Variants in FRAS1 observed in about 807,000 individuals in gnomAD.
The protein encoded by FRAS1 is extracellular matrix organizing protein FRAS1.
In FRAS1, 290 loss-of-function variants were observed where a neutral mutation model predicts 435.2. That is an observed-to-expected ratio of 0.67 (90% confidence interval 0.61 to 0.73). The LOEUF (loss-of-function observed/expected upper bound fraction) is 0.73, where lower values mean the gene tolerates loss of function less well. Among genes scored for constraint, FRAS1 ranks in the 30% least tolerant of loss-of-function variants. FRAS1 has a pLI of 0.00. For missense variants in FRAS1, 4,860 were observed against 5,001.5 expected (o/e 0.97, Z 0.85); for synonymous variants, 1,800 against 1,851.0 (o/e 0.97, Z 0.71).
At chr4:78,486,830 ATTT>A (rs67268640) in intron 58 of FRAS1, among the ~76,000 whole-genome samples, 12,489 of 123,494 alleles carry the variant, frequency 0.1, 562 homozygotes, top group Non-Finnish European at 0.13. Flanking sequence ...CTCTCTCTCT[ATTT>A]TTTTTTTTTT....
Position 78,058,036 on chromosome 4 carries a change from G to C in FRAS1, c.27G>C (p.Gly9=). The C allele has an allele frequency of 6.2e-7, 1 of 1,613,978 alleles. No individual in the cohort carries two copies. The highest frequency in any genetic ancestry group is 8.5e-7 in the Non-Finnish European group (1 of 1,179,882). MGVLKVWL[G]LALALAEFAV... is the part of the protein sequence containing the mutation. ...TGGGTGTCCTCAAAGTGTGGCTCGG[G>C]CTGGCCCTAGCGTTGGCGGAATTTG... Residue 9 remains glycine, a synonymous_variant, in exon 1 of 74, where the codon GGG becomes GGC. Transcript: ENST00000512123.
intron 66 of FRAS1, 48 bp downstream of exon 66, chr4:78,516,061 G>T (rs777076424): frequency 2.5e-5 from 36 of 1,450,802 alleles, no homozygotes; most frequent in Non-Finnish European, 3.4e-5. Flanking sequence ...GGGTGCCATG[G>T]TCAACCTTGT....
chr4:78,238,289 TTC>T (rs1724847332), intron 3 of FRAS1, among the ~76,000 whole-genome samples: 1 of 141,436 alleles, frequency 7.1e-6, no homozygotes, highest in Non-Finnish European at 1.6e-5. Context: ...TACACATCTA[TTC>T]TGTTAGAATA....
intron 2 of FRAS1, among the ~76,000 whole-genome samples, chr4:78,163,236 T>C (rs986361967): frequency 3.9e-5 from 6 of 152,220 alleles, no homozygotes; most frequent in Non-Finnish European, 7.3e-5. Context: ...CCATTTTTAT[T>C]CACCTTTTTA....
intron 20 of FRAS1, among the ~76,000 whole-genome samples, chr4:78,339,861 C>T (rs644235): frequency 0.074 from 11,314 of 152,156 alleles, 845 homozygotes; most frequent in African/African-American, 0.2. Context: ...GGCAAGAAAT[C>T]TGCAACTTGT....
At chr4:78,120,496 A>G (rs72654652) in intron 2 of FRAS1, among the ~76,000 whole-genome samples, 42,354 of 151,802 alleles carry the variant, frequency 0.28, 6,180 homozygotes, top group African/African-American at 0.35. Flanking sequence ...ACAGTCCAGG[A>G]ATAAGAAGTT....
At chr4:78,088,582 G>GA (rs1486999625) in intron 2 of FRAS1, among the ~76,000 whole-genome samples, 1 of 152,034 alleles carries the variant, frequency 6.6e-6, no homozygotes, top group East Asian at 1.9e-4. Flanking sequence ...AAATTTCCAA[G>GA]AAAAAAGCAA....
chr4:78,252,276 C>T, intron 4 of FRAS1, 116 bp from the exon 5 acceptor site: 1 of 1,029,386 alleles, frequency 9.7e-7, no homozygotes, highest in Non-Finnish European at 1.4e-6. Context: ...CTTTATTCCA[C>T]CTTTCCCTGA....
intron 29 of FRAS1, among the ~76,000 whole-genome samples, chr4:78,393,704 A>G (rs1174046523): frequency 6.6e-6 from 1 of 152,124 alleles, no homozygotes; most frequent in Non-Finnish European, 1.5e-5. Flanking sequence ...TCTATTGTGA[A>G]TAATACTACA....
In FRAS1 at chr4:78,482,444, G is replaced by C. The variant is rs1426780347; in HGVS notation, c.8661G>C (p.Glu2887Asp). The C allele has an allele frequency of 6.2e-7, 1 of 1,613,904 alleles. No homozygotes were observed. Among genetic ancestry groups the C allele is most frequent in the Admixed American group, 1.7e-5 (1 of 60,018 alleles). Reference protein sequence around the residue: ...DTQYPVIEGLETFVVFLSSAQ... With the variant: ...DTQYPVIEGLDTFVVFLSSAQ... ...AGTATCCGGTAATTGAAGGACTGGA[G>C]ACATTTGTGGTTTTCCTCAGCTCAG... is the stretch of plus-strand genomic sequence containing the variant. Residue 2887 changes from glutamate (E) to aspartate (D), a missense_variant, in exon 58 of 74, where the codon GAG becomes GAC. Physicochemically the swap from Glu to Asp is conservative, Grantham distance 45. Transcript: ENST00000512123.
intron 27 of FRAS1, among the ~76,000 whole-genome samples, chr4:78,380,563 A>T (rs1468105182): frequency 2.0e-5 from 3 of 152,210 alleles, no homozygotes; most frequent in Non-Finnish European, 4.4e-5. Flanking sequence ...TCAGGAATGC[A>T]GTTGAATGTT....
At chr4:78,462,248 G>C (rs921120225) in intron 47 of FRAS1, among the ~76,000 whole-genome samples, 1 of 151,930 alleles carries the variant, frequency 6.6e-6, no homozygotes, top group Non-Finnish European at 1.5e-5. Flanking sequence ...GGTGGCGTGT[G>C]CCTGTAATTC....
At chr4:78,259,843 T>C (rs142923665) in intron 6 of FRAS1, among the ~76,000 whole-genome samples, 145,299 of 151,214 alleles carry the variant, frequency 0.96, 70,058 homozygotes, top group East Asian at 1. Context: ...GGTTTTAGGT[T>C]GAACGTTTAA....
chr4:78,516,800 T>C (rs1721228303), intron 66 of FRAS1, among the ~76,000 whole-genome samples: 1 of 152,172 alleles, frequency 6.6e-6, no homozygotes, highest in Admixed American at 6.5e-5. Flanking sequence ...AAGAACAGCA[T>C]GAGGGAAACC....
At chr4:78,434,958 C>T (rs538552692) in intron 38 of FRAS1, among the ~76,000 whole-genome samples, 1 of 149,354 alleles carries the variant, frequency 6.7e-6, no homozygotes, top group South Asian at 2.1e-4. Context: ...CATCAGTTCC[C>T]TTACCAAACG....
chr4:78,331,135 T>C (rs1407642242), intron 18 of FRAS1, among the ~76,000 whole-genome samples: 1 of 152,208 alleles, frequency 6.6e-6, no homozygotes, highest in Non-Finnish European at 1.5e-5. Context: ...AGGGCTGTTT[T>C]ATAATCTTAA....
Position 78,126,454 on chromosome 4 carries a change from G to A in FRAS1, c.108+60438G>A, listed in dbSNP as rs1372534516. ...TGAGATGAACCAGGTTCCTCAGTTGGAAATGCAGAAATCACCCATCTTCTG... is the reference window on the plus strand; with the variant it reads ...TGAGATGAACCAGGTTCCTCAGTTGAAAATGCAGAAATCACCCATCTTCTG... On this transcript the variant is annotated intron_variant, in intron 2 of 73. Coordinates refer to ENST00000512123, the MANE Select transcript of FRAS1 (RefSeq NM_025074.7). Among the ~76,000 whole-genome samples, 4 of 152,324 alleles carry A rather than the reference G, an allele frequency of 2.6e-5. 1 individual carries two copies. In the South Asian group the frequency reaches 6.2e-4, roughly 24 times the overall value.
At chr4:78,407,569 T>C in intron 30 of FRAS1, 94 bp from the exon 31 acceptor site, 1 of 969,702 alleles carries the variant, frequency 1.0e-6, no homozygotes, top group Non-Finnish European at 1.5e-6. Context: ...ATCATTTCTT[T>C]CTAGTTAAAA....
At chr4:78,195,345 G>T (rs1024480643) in intron 2 of FRAS1, among the ~76,000 whole-genome samples, 7 of 152,376 alleles carry the variant, frequency 4.6e-5, no homozygotes, top group East Asian at 1.9e-4. Flanking sequence ...GCTGCCTTTT[G>T]TTTGGCATTG....
Sources: allele counts gnomAD v4.1 joint callset (sites outside exome capture counted in the v4.1 genomes callset), GRCh38; gene constraint gnomAD v4.1.1; transcripts MANE v1.5; gene names NCBI Gene and HGNC (gene_info 2026-07-23, HGNC 2026-07-21).